Variants in TRIM55 observed in about 807,000 individuals in gnomAD.
TRIM55 encodes the protein tripartite motif containing 55.
Under a neutral mutation model 60.9 loss-of-function variants are expected in TRIM55, and 50 were observed. That is an observed-to-expected ratio of 0.82 (90% CI 0.65 to 1.04). TRIM55 has a LOEUF of 1.04. Ranked by LOEUF, TRIM55 falls within the 50% of genes least tolerant of loss-of-function variation. TRIM55 has a pLI of 0.00. For synonymous variants in TRIM55, 237 were observed against 238.1 expected (o/e 1.00, Z 0.04); for missense variants, 681 against 666.9 (o/e 1.02, Z -0.23).
intron 4 of TRIM55, among the ~76,000 whole-genome samples, chr8:66,138,532 G>A (rs73249952): frequency 0.051 from 7,737 of 152,158 alleles, 601 homozygotes; most frequent in African/African-American, 0.17. Flanking sequence ...TGGGATTACA[G>A]GCTCCCGCCA....
the TRIM55 span, among the ~76,000 whole-genome samples, chr8:66,116,163 T>C: frequency 2.6e-5 from 4 of 152,156 alleles, no homozygotes; most frequent in Admixed American, 2.6e-4. Flanking sequence ...TGGTTAGATA[T>C]ATTATGGTAT....
At chr8:66,136,226 G>T (rs887358463) in intron 3 of TRIM55, among the ~76,000 whole-genome samples, 4 of 152,158 alleles carry the variant, frequency 2.6e-5, no homozygotes, top group African/African-American at 9.7e-5. Context: ...TTCCTTCAGA[G>T]CCTGGAGACT....
At chr8:66,141,482 T>TG (rs1332375486) in intron 4 of TRIM55, among the ~76,000 whole-genome samples, 1 of 152,094 alleles carries the variant, frequency 6.6e-6, no homozygotes, top group Non-Finnish European at 1.5e-5. Context: ...TGGAACTGGA[T>TG]GGGGGGCTGC....
Position 66,127,560 on chromosome 8 carries a change from C to CG in TRIM55, c.168+124_168+125insG, listed in dbSNP as rs1808880986. On this transcript the variant is annotated intron_variant, in intron 1 of 9. Transcript: ENST00000315962. ...TTTATAAGGTTGCCGGGCGCTTTGG[C>CG]TCACGCCTGTAGTCCCAGCACTTTG... 7 of 1,153,474 alleles carry CG rather than the reference C, an allele frequency of 6.1e-6. No individual in the cohort carries two copies. In the South Asian group the frequency reaches 8.6e-5, roughly 14 times the overall value. The allele number at this position is 1,153,474 out of a possible 1,614,324, so 71.5% of individuals were successfully genotyped here. A position where few individuals can be genotyped will look rare whatever the true frequency, so the allele number is the denominator to read the frequency against.
At chr8:66,113,408 T>C in the TRIM55 span, 5 of 422,662 alleles carry the variant, frequency 1.2e-5, no homozygotes, top group East Asian at 1.5e-4. Context: ...CTGTAGCTAC[T>C]TCCTCAGCAG....
intron 4 of TRIM55, among the ~76,000 whole-genome samples, chr8:66,147,324 T>C (rs779344125): frequency 4.6e-5 from 7 of 152,238 alleles, no homozygotes; most frequent in Non-Finnish European, 8.8e-5. Context: ...CCATGCATTA[T>C]AATTTGGTTG....
the TRIM55 span, among the ~76,000 whole-genome samples, chr8:66,119,871 G>A: frequency 6.6e-6 from 1 of 152,198 alleles, no homozygotes. Context: ...GAGCTGCACT[G>A]TGCACATTCC....
chr8:66,143,338 G>A (rs1476005711), intron 4 of TRIM55, among the ~76,000 whole-genome samples: 3 of 152,200 alleles, frequency 2.0e-5, no homozygotes, highest in African/African-American at 7.2e-5. Context: ...ATATCTTAAT[G>A]CTGTCGATGA....
chr8:66,153,947 G>A (rs1213060933), intron 8 of TRIM55, 100 bp from the exon 9 acceptor site: 42 of 1,154,710 alleles, frequency 3.6e-5, no homozygotes, highest in Admixed American at 2.2e-4. Context: ...TGCAGGGAGC[G>A]CACAGTGTTC....
chr8:66,141,403 G>C lies in TRIM55; in HGVS notation c.603+4213G>C, dbSNP rs577781148. 1.1e-4 allele frequency among the ~76,000 whole-genome samples: 16 copies of C among 152,268 alleles called. No individual in the cohort carries two copies. In the South Asian group the frequency reaches 2.9e-3, roughly 28 times the overall value. ...CAGGCTGATGGAGGGCTTCTGGGCT[G>C]TTCCATGAGCCCAGCATGATCTGAA... On this transcript the variant is annotated intron_variant, in intron 4 of 9. Coordinates refer to ENST00000315962, the MANE Select transcript of TRIM55 (RefSeq NM_184085.2).
chr8:66,174,645 C>T lies in TRIM55; in HGVS notation c.*52C>T. On this transcript the variant is annotated 3_prime_UTR_variant, in exon 10 of 10. Transcript: ENST00000315962. ...TCTGCCTGGCTGAGATGCATGTGGGCAGCAGGAAGCCCAAGTGAAATTAAT... is the reference window on the plus strand; with the variant it reads ...TCTGCCTGGCTGAGATGCATGTGGGTAGCAGGAAGCCCAAGTGAAATTAAT... 3.3e-6 allele frequency: 5 copies of T among 1,503,796 alleles called. No homozygotes were observed. Among genetic ancestry groups the T allele is most frequent in the East Asian group, 2.6e-5 (1 of 38,290 alleles). 93.2% of individuals were successfully genotyped at this position (1,503,796 alleles called of 1,614,324 possible).
At chr8:66,157,625 C>T (rs1484192521) in intron 9 of TRIM55, among the ~76,000 whole-genome samples, 3 of 152,196 alleles carry the variant, frequency 2.0e-5, no homozygotes, top group Non-Finnish European at 4.4e-5. Flanking sequence ...GTAATGCTGC[C>T]TTTAAAACTC....
At chr8:66,163,645 A>G (rs998182833) in intron 9 of TRIM55, among the ~76,000 whole-genome samples, 1 of 152,184 alleles carries the variant, frequency 6.6e-6, no homozygotes, top group Non-Finnish European at 1.5e-5. Context: ...TATACTTTAT[A>G]TGTTTCCAAT....
At chr8:66,113,468 C>A in the TRIM55 span, 3 of 455,018 alleles carry the variant, frequency 6.6e-6, no homozygotes, top group South Asian at 3.1e-5. Flanking sequence ...GAGACAAGTG[C>A]GGTTTTTTTC....
At chr8:66,150,968 G>A (rs1404767690) in intron 7 of TRIM55, among the ~76,000 whole-genome samples, 1 of 152,122 alleles carries the variant, frequency 6.6e-6, no homozygotes, top group East Asian at 1.9e-4. Context: ...GCCCGGCCTG[G>A]TGCCTATTTT....
intron 4 of TRIM55, 86 bp from the exon 5 acceptor site, chr8:66,149,559 G>A (rs1402168620): frequency 1.9e-6 from 2 of 1,069,862 alleles, no homozygotes; most frequent in Non-Finnish European, 1.4e-6. Flanking sequence ...ATAAGTAAAT[G>A]TTCTTCTTTC....
chr8:66,125,246 G>A (rs927898329), upstream of TRIM55, among the ~76,000 whole-genome samples: 5 of 152,190 alleles, frequency 3.3e-5, no homozygotes, highest in African/African-American at 1.2e-4. Context: ...CCTGTCTCAG[G>A]TACTTTTTGG....
intron 4 of TRIM55, among the ~76,000 whole-genome samples, chr8:66,138,409 G>A (rs549510330): frequency 6.6e-6 from 1 of 151,902 alleles, no homozygotes; most frequent in East Asian, 1.9e-4. Flanking sequence ...TTGTTTTTTG[G>A]GATGGAGTCT....
At chr8:66,119,157 A>G in the TRIM55 span, among the ~76,000 whole-genome samples, 1 of 152,144 alleles carries the variant, frequency 6.6e-6, no homozygotes, top group Non-Finnish European at 1.5e-5. Context: ...CCACATCCAC[A>G]TCATCTGATG....
Sources: gnomAD v4.1 joint callset for allele counts (sites outside exome capture counted in the v4.1 genomes callset) on GRCh38, gnomAD v4.1.1 for gene constraint, MANE v1.5 for transcripts, NCBI Gene and HGNC (gene_info 2026-07-23, HGNC 2026-07-21) for gene names.